CHRM3: variants seen among roughly 807,000 people sequenced by gnomAD.
The protein encoded by CHRM3 is cholinergic receptor muscarinic 3.
In CHRM3, 11 loss-of-function variants were observed where a neutral mutation model predicts 41.8. The observed-to-expected ratio is 0.26, with a 90% CI of 0.17 to 0.44. The LOEUF (loss-of-function observed/expected upper bound fraction) is 0.44, where lower values mean the gene tolerates loss of function less well. CHRM3 is among the 20% of genes least tolerant of loss of function. The pLI is 1.00. For missense variants in CHRM3, 571 were observed against 745.4 expected, an observed-to-expected ratio of 0.77 and a Z score of 2.72; for synonymous variants, 297 against 301.4, an observed-to-expected ratio of 0.99 and a Z score of 0.15.
intron 1 of CHRM3, among the ~76,000 whole-genome samples, chr1:239,425,634 C>CA (rs1662310161): frequency 6.6e-6 from 1 of 152,098 alleles, no homozygotes; most frequent in Non-Finnish European, 1.5e-5. Context: ...AAAATAAAGG[C>CA]ACGTGGTAAA....
chr1:239,445,641 G>A (rs1036645185), intron 1 of CHRM3, among the ~76,000 whole-genome samples: 31 of 152,100 alleles, frequency 2.0e-4, no homozygotes, highest in African/African-American at 2.7e-4. Flanking sequence ...TGTGGTTAAC[G>A]ATAGAAAATT....
chr1:239,660,689 C>T (rs1558429008), intron 4 of CHRM3, among the ~76,000 whole-genome samples: 1 of 152,098 alleles, frequency 6.6e-6, no homozygotes, highest in Non-Finnish European at 1.5e-5. Flanking sequence ...TGGAGACCAG[C>T]CTGGCCAACA....
At chr1:239,468,016 G>T (rs1332366533) in intron 1 of CHRM3, among the ~76,000 whole-genome samples, 1 of 152,002 alleles carries the variant, frequency 6.6e-6, no homozygotes, top group African/African-American at 2.4e-5. Context: ...TATGCTAAAA[G>T]CACATGGCCC....
intron 1 of CHRM3, among the ~76,000 whole-genome samples, chr1:239,472,906 T>A (rs922694260): frequency 1.3e-5 from 2 of 152,028 alleles, no homozygotes; most frequent in African/African-American, 4.8e-5. Context: ...AAAACTATAG[T>A]TATTAAGGCA....
At chr1:239,878,903 C>T (rs981658476) in intron 6 of CHRM3, among the ~76,000 whole-genome samples, 6 of 152,146 alleles carry the variant, frequency 3.9e-5, no homozygotes, top group Non-Finnish European at 1.5e-5. Context: ...AGCAGCATCT[C>T]GCTGGGGTTG....
intron 1 of CHRM3, among the ~76,000 whole-genome samples, chr1:239,413,376 GC>G (rs1381565067): frequency 6.6e-6 from 1 of 152,074 alleles, no homozygotes; most frequent in Non-Finnish European, 1.5e-5. Flanking sequence ...TGCAACCTCT[GC>G]CTCCCGGATT....
At chr1:239,660,109 T>C (rs1573173909) in intron 4 of CHRM3, among the ~76,000 whole-genome samples, 1 of 152,162 alleles carries the variant, frequency 6.6e-6, no homozygotes, top group South Asian at 2.1e-4. Context: ...TACAGGCACA[T>C]GCCATCATGC....
At chr1:239,818,423 G>A (rs1671770623) in intron 5 of CHRM3, among the ~76,000 whole-genome samples, 1 of 152,148 alleles carries the variant, frequency 6.6e-6, no homozygotes, top group African/African-American at 2.4e-5. Flanking sequence ...AGTGACATTT[G>A]CCCTCACCCT....
At chr1:239,784,626 T>G (rs1668752315) in intron 5 of CHRM3, among the ~76,000 whole-genome samples, 1 of 152,228 alleles carries the variant, frequency 6.6e-6, no homozygotes, top group Non-Finnish European at 1.5e-5. Flanking sequence ...AATTAACATT[T>G]TGAACAAAAT....
At chr1:239,555,680 G>T (rs576835310) in intron 3 of CHRM3, among the ~76,000 whole-genome samples, 1 of 152,162 alleles carries the variant, frequency 6.6e-6, no homozygotes, top group East Asian at 1.9e-4. Context: ...ATTAAAAGTA[G>T]GTATAAATAT....
chr1:239,414,649 A>G (rs1176891828), intron 1 of CHRM3, among the ~76,000 whole-genome samples: 3 of 152,224 alleles, frequency 2.0e-5, no homozygotes, highest in Admixed American at 1.3e-4. Context: ...GCCTTCCATT[A>G]AATTCAGCTG....
chr1:239,847,677 C>A (rs1237602248), intron 6 of CHRM3, among the ~76,000 whole-genome samples: 1 of 151,980 alleles, frequency 6.6e-6, no homozygotes, highest in Non-Finnish European at 1.5e-5. Flanking sequence ...CCAGCCTGGG[C>A]AACATAGTGA....
chr1:239,782,173 A>C lies in CHRM3; in HGVS notation c.-146-45079A>C, dbSNP rs543180138. 5.2e-4 allele frequency among the ~76,000 whole-genome samples: 79 copies of C among 152,214 alleles called. 1 individual carries two copies. Among genetic ancestry groups the C allele is most frequent in the Admixed American group, 2.7e-3 (41 of 15,296 alleles). ...CTGCTTCTATCTGCTGAAAGTGATC[A>C]TAGAGAATTGGTGTAATTTTTCTTT... On this transcript the variant is annotated intron_variant, in intron 5 of 6. Coordinates refer to ENST00000676153, the MANE Select transcript of CHRM3 (RefSeq NM_001375978.1).
rs1006845476 is a variant in CHRM3 at position 239,913,450 on chromosome 1, C to G, written c.*4226C>G. 2.4e-5 allele frequency: 4 copies of G among 167,042 alleles called. No homozygotes were observed. Among genetic ancestry groups the G allele is most frequent in the African/African-American group, 9.7e-5 (4 of 41,450 alleles). The allele number at this position is 167,042 out of a possible 1,614,324, so 10.3% of individuals were successfully genotyped here. ...CAAACTTATTTAGACAGTATCAACT[C>G]TAGCCCTTAATAGGTTCAAGGACAA... On this transcript the variant is annotated 3_prime_UTR_variant, in exon 7 of 7. Coordinates refer to ENST00000676153, the MANE Select transcript of CHRM3 (RefSeq NM_001375978.1).
intron 1 of CHRM3, among the ~76,000 whole-genome samples, chr1:239,451,933 A>G (rs1204936338): frequency 6.6e-6 from 1 of 152,194 alleles, no homozygotes; most frequent in African/African-American, 2.4e-5. Context: ...ATATTTTTAA[A>G]TAAAAAATAT....
At chr1:239,398,807 A>T (rs1300105986) in intron 1 of CHRM3, among the ~76,000 whole-genome samples, 1 of 152,144 alleles carries the variant, frequency 6.6e-6, no homozygotes, top group East Asian at 1.9e-4. Flanking sequence ...TCTGTATATT[A>T]CTTCCCTTTT....
intron 3 of CHRM3, among the ~76,000 whole-genome samples, chr1:239,614,330 A>C (rs1667398218): frequency 6.6e-6 from 1 of 152,196 alleles, no homozygotes; most frequent in Non-Finnish European, 1.5e-5. Flanking sequence ...AAAATTAATC[A>C]GAGAGTGTGA....
At chr1:239,404,413 A>AAAAGAAAGAAAGAAG (rs1558195765) in intron 1 of CHRM3, among the ~76,000 whole-genome samples, 5 of 48,632 alleles carry the variant, frequency 1.0e-4, no homozygotes, top group African/African-American at 3.9e-4. Context: ...AGAAAGAAAA[A>AAAAGAAAGAAAGAAG]GAAAGAAAGA....
intron 3 of CHRM3, among the ~76,000 whole-genome samples, chr1:239,589,842 G>A (rs908682449): frequency 9.9e-5 from 15 of 151,362 alleles, no homozygotes; most frequent in African/African-American, 3.4e-4. Context: ...ACATATGTCT[G>A]ACTATGCATC....
Sources: allele counts gnomAD v4.1 joint callset (sites outside exome capture counted in the v4.1 genomes callset), GRCh38; gene constraint gnomAD v4.1.1; transcripts MANE v1.5; gene names NCBI Gene and HGNC (gene_info 2026-07-23, HGNC 2026-07-21).